The following NWD1 variants were observed in gnomAD, a reference collection of about 807,000 sequenced individuals.
NWD1 encodes the protein NACHT domain- and WD repeat-containing protein 1.
NWD1 carries 129 observed loss-of-function variants against 135.1 expected under a neutral mutation model. That is an observed-to-expected ratio of 0.96 (90% CI 0.83 to 1.11). The LOEUF is 1.11. NWD1 is among the 50% of genes least tolerant of loss of function. The pLI, the probability that NWD1 is intolerant of heterozygous loss-of-function variation, is 0.00. For missense variants in NWD1, 1,740 were observed against 1,851.3 expected (o/e 0.94, Z 1.10); for synonymous variants, 773 against 786.0 (o/e 0.98, Z 0.28).
intron 12 of NWD1, among the ~76,000 whole-genome samples, chr19:16,786,748 T>C (rs1409708851): frequency 1.3e-5 from 2 of 151,978 alleles, no homozygotes; most frequent in East Asian, 3.9e-4. Flanking sequence ...GGTTTTGCCT[T>C]GTTGGCCAGG....
At chr19:16,758,645 G>A (rs1968886041) in intron 6 of NWD1, among the ~76,000 whole-genome samples, 2 of 152,066 alleles carry the variant, frequency 1.3e-5, no homozygotes, top group Admixed American at 1.3e-4. Flanking sequence ...GTTGGTTTCT[G>A]CATTATTTTC....
intron 3 of NWD1, among the ~76,000 whole-genome samples, chr19:16,732,547 A>T (rs1243990798): frequency 4.0e-5 from 6 of 149,358 alleles, no homozygotes; most frequent in Admixed American, 4.0e-4. Context: ...CACAGTCCCA[A>T]AACAGTAGGA....
At chr19:16,744,910 T>A (rs1013766672) in intron 5 of NWD1, 192 bp downstream of exon 5, 3 of 659,420 alleles carry the variant, frequency 4.5e-6, no homozygotes, top group Non-Finnish European at 8.2e-6. Context: ...TCCTGATCAA[T>A]CTTGGTCTCA....
intron 6 of NWD1, 57 bp from the exon 7 acceptor site, chr19:16,759,168 C>T: frequency 1.4e-6 from 2 of 1,415,374 alleles, no homozygotes; most frequent in Admixed American, 1.7e-5. Context: ...GATTCTGCAT[C>T]CTCCAAATGC....
intron 2 of NWD1, among the ~76,000 whole-genome samples, chr19:16,730,708 C>A (rs957469436): frequency 1.3e-5 from 2 of 151,834 alleles, no homozygotes; most frequent in Non-Finnish European, 2.9e-5. Context: ...TGGAGTGAGA[C>A]CTGTCCCTTA....
At chr19:16,760,006 T>C (rs573525831) in intron 7 of NWD1, among the ~76,000 whole-genome samples, 7 of 151,094 alleles carry the variant, frequency 4.6e-5, no homozygotes, top group African/African-American at 1.5e-4. Context: ...AAAAAGAAAA[T>C]TAGCTGGGTG....
At chr19:16,733,225 A>C (rs1267555316) in intron 3 of NWD1, among the ~76,000 whole-genome samples, 1 of 151,384 alleles carries the variant, frequency 6.6e-6, no homozygotes, top group Non-Finnish European at 1.5e-5. Context: ...TGTCTTTAAA[A>C]AAAAAAAAAT....
chr19:16,753,410 G>A (rs1968654854), intron 6 of NWD1, among the ~76,000 whole-genome samples: 1 of 152,200 alleles, frequency 6.6e-6, no homozygotes, highest in African/African-American at 2.4e-5. Flanking sequence ...ATGATGATAA[G>A]GTGGATGATT....
At chr19:16,754,007 A>G (rs1339200846) in intron 6 of NWD1, among the ~76,000 whole-genome samples, 5 of 145,014 alleles carry the variant, frequency 3.4e-5, no homozygotes, top group Non-Finnish European at 7.5e-5. Context: ...CCTTTTATCC[A>G]TCATCTCTAT....
intron 3 of NWD1, among the ~76,000 whole-genome samples, chr19:16,734,252 T>C (rs180884542): frequency 1.3e-5 from 2 of 152,234 alleles, no homozygotes; most frequent in African/African-American, 2.4e-5. Flanking sequence ...GTTCCTTTTT[T>C]AAAAAAGCTT....
At position 16,790,794 on chromosome 19, in the gene NWD1, G is replaced by T. The variant is rs148230637; in HGVS notation, c.2941-556G>T. On this transcript the variant is annotated intron_variant, in intron 13 of 18. Transcript: ENST00000524140. Reference sequence around the variant, plus strand: ...TTACATGTTGAAGTGATACCACTTGGACATATTAGGTTGAATAAAATATAA... The same window carrying T: ...TTACATGTTGAAGTGATACCACTTGTACATATTAGGTTGAATAAAATATAA... Among the ~76,000 whole-genome samples, 753 of 152,104 alleles carry T rather than the reference G, an allele frequency of 5.0e-3. 4 individuals carry two copies. Among genetic ancestry groups the T allele is most frequent in the African/African-American group, 0.017 (693 of 41,508 alleles).
At chr19:16,779,532 C>T in intron 12 of NWD1, 67 bp downstream of exon 12, 3 of 1,474,320 alleles carry the variant, frequency 2.0e-6, no homozygotes, top group Non-Finnish European at 1.9e-6. Flanking sequence ...AGAGCCCCTT[C>T]CCCACAGATT....
At chr19:16,782,284 TAAA>T (rs35838598) in intron 12 of NWD1, among the ~76,000 whole-genome samples, 2 of 76,284 alleles carry the variant, frequency 2.6e-5, no homozygotes, top group African/African-American at 4.7e-5. Flanking sequence ...ACGTCACCTC[TAAA>T]AAAAAAAAAA....
At position 16,791,418 on chromosome 19, in the gene NWD1, G is replaced by A. The variant is rs1179487465; in HGVS notation, c.3009G>A (p.Trp1003Ter). ...FHILGDASDP[W>*]MCMAVLASQA... ...TCCTGGGAGATGCCTCTGATCCTTGGATGTGCATGGCCGTGCTGGCCTCCC... is the reference window on the plus strand; with the variant it reads ...TCCTGGGAGATGCCTCTGATCCTTGAATGTGCATGGCCGTGCTGGCCTCCC... Residue 1003 changes from tryptophan to a stop codon, truncating the protein, a stop_gained, in exon 14 of 19, where the codon TGG becomes TGA. Transcript: ENST00000524140. LOFTEE classifies it high-confidence loss of function. The A allele has an allele frequency of 1.9e-6, 3 of 1,614,004 alleles. No individual in the cohort carries two copies. Among genetic ancestry groups the A allele is most frequent in the Non-Finnish European group, 2.5e-6 (3 of 1,180,020 alleles).
At chr19:16,814,093 G>C (rs2144540795) in intron 18 of NWD1, among the ~76,000 whole-genome samples, 1 of 152,254 alleles carries the variant, frequency 6.6e-6, no homozygotes, top group South Asian at 2.1e-4. Context: ...GTGGGAGATT[G>C]AGGCTGCAGT....
intron 8 of NWD1, 37 bp downstream of exon 8, chr19:16,762,175 CT>C (rs781030743): frequency 1.1e-5 from 17 of 1,594,182 alleles, no homozygotes; most frequent in Non-Finnish European, 1.5e-5. Flanking sequence ...CACCTGCAAC[CT>C]CCACCCTGCC....
At chr19:16,783,221 G>T (rs942363896) in intron 12 of NWD1, among the ~76,000 whole-genome samples, 4 of 151,988 alleles carry the variant, frequency 2.6e-5, no homozygotes, top group African/African-American at 9.7e-5. Context: ...TTTTTGTAGA[G>T]ACTGGGTCTC....
At chr19:16,786,311 T>A (rs1265718309) in intron 12 of NWD1, among the ~76,000 whole-genome samples, 1 of 151,838 alleles carries the variant, frequency 6.6e-6, no homozygotes, top group Non-Finnish European at 1.5e-5. Context: ...CCCAGTCATA[T>A]CCTTGTTCTG....
chr19:16,785,197 T>C (rs1199053241), intron 12 of NWD1, among the ~76,000 whole-genome samples: 1 of 152,036 alleles, frequency 6.6e-6, no homozygotes, highest in Non-Finnish European at 1.5e-5. Flanking sequence ...TAAATGCCAC[T>C]GGATTGTTTG....
Sources: gnomAD v4.1 joint callset for allele counts (sites outside exome capture counted in the v4.1 genomes callset) on GRCh38, gnomAD v4.1.1 for gene constraint, MANE v1.5 for transcripts, NCBI Gene and HGNC (gene_info 2026-07-23, HGNC 2026-07-21) for gene names.